The following ISM2 variants were observed in gnomAD, a reference collection of about 807,000 sequenced individuals.
ISM2 encodes the protein isthmin-2.
A neutral mutation model predicts 58.0 loss-of-function variants in ISM2; 50 were observed. The ratio of observed to expected loss-of-function variants is 0.86; its 90% confidence interval spans 0.69 to 1.09. ISM2 has a LOEUF of 1.09. Among genes scored for constraint, ISM2 ranks in the 50% least tolerant of loss-of-function variants. ISM2 has a pLI of 0.00. For synonymous variants in ISM2, 303 were observed against 312.4 expected (o/e 0.97, Z 0.32); for missense variants, 723 against 745.0 (o/e 0.97, Z 0.34).
At chr14:77,477,111 C>G (rs1733155660) in intron 6 of ISM2, among the ~76,000 whole-genome samples, 1 of 152,124 alleles carries the variant, frequency 6.6e-6, no homozygotes, top group Non-Finnish European at 1.5e-5. Context: ...GAGGTGCCCC[C>G]CAGACTCACC....
chr14:77,483,382 A>C (rs539006089), intron 3 of ISM2, among the ~76,000 whole-genome samples: 2 of 151,976 alleles, frequency 1.3e-5, no homozygotes, highest in Non-Finnish European at 2.9e-5. Flanking sequence ...ACATGGTGAA[A>C]CCCCGTCTCT....
At chr14:77,478,748 A>C in intron 4 of ISM2, 33 bp from the exon 5 acceptor site, 1 of 1,593,896 alleles carries the variant, frequency 6.3e-7, no homozygotes, top group Non-Finnish European at 8.6e-7. Flanking sequence ...GGGTGAGTGC[A>C]TATAGCTCAC....
At chr14:77,494,247 C>T (rs191456994) in intron 1 of ISM2, among the ~76,000 whole-genome samples, 6 of 152,206 alleles carry the variant, frequency 3.9e-5, no homozygotes, top group African/African-American at 1.4e-4. Context: ...ATGAAATATT[C>T]TCATGTTAAG....
At chr14:77,486,583 C>A (rs2079169207) in intron 1 of ISM2, among the ~76,000 whole-genome samples, 1 of 152,198 alleles carries the variant, frequency 6.6e-6, no homozygotes, top group Non-Finnish European at 1.5e-5. Flanking sequence ...ACCCACAATT[C>A]CACCAAAGCC....
intron 4 of ISM2, among the ~76,000 whole-genome samples, chr14:77,481,859 G>A: frequency 6.6e-6 from 1 of 151,780 alleles, no homozygotes; most frequent in Non-Finnish European, 1.5e-5. Context: ...CAGCACTTTG[G>A]GAGGCCGAGG....
chr14:77,478,504 T>C, intron 5 of ISM2, 71 bp downstream of exon 5: 3 of 1,568,854 alleles, frequency 1.9e-6, no homozygotes, highest in Admixed American at 3.5e-5. Flanking sequence ...CCCACCCACA[T>C]TCCCAGGGGA....
chr14:77,478,230 C>G lies in ISM2; in HGVS notation c.1198+12G>C, dbSNP rs774060951. The G allele has an allele frequency of 2.5e-6, 4 of 1,612,164 alleles. No individual in the cohort carries two copies. The African/African-American group carries it at 5.3e-5, about 22-fold the overall frequency. On this transcript the variant is annotated intron_variant, in intron 6 of 6. Coordinates refer to ENST00000342219, the MANE Select transcript of ISM2 (RefSeq NM_199296.3). ...CCCAAACCACCAGGGGCAAGCCTAG[C>G]CCCTCACTCACCTTGATCATGCATG...
At chr14:77,486,132 C>G (rs1470032389) in intron 1 of ISM2, among the ~76,000 whole-genome samples, 2 of 152,192 alleles carry the variant, frequency 1.3e-5, no homozygotes, top group African/African-American at 4.8e-5. Flanking sequence ...GTTGCACAGA[C>G]ATTTAGCGAT....
chr14:77,487,882 G>A (rs1035494318), intron 1 of ISM2, among the ~76,000 whole-genome samples: 1 of 152,150 alleles, frequency 6.6e-6, no homozygotes, highest in African/African-American at 2.4e-5. Flanking sequence ...CCTCGAGCAG[G>A]GACAGAGCTG....
intron 1 of ISM2, among the ~76,000 whole-genome samples, chr14:77,491,170 G>C (rs541556544): frequency 6.6e-6 from 1 of 152,180 alleles, no homozygotes; most frequent in African/African-American, 2.4e-5. Flanking sequence ...AGTGCTGGGG[G>C]GGCACCCCCA....
At chr14:77,493,074 T>C (rs1330884278) in intron 1 of ISM2, among the ~76,000 whole-genome samples, 2 of 151,612 alleles carry the variant, frequency 1.3e-5, no homozygotes, top group Non-Finnish European at 2.9e-5. Context: ...CACAGCTCAC[T>C]GTAGCCTCAA....
rs2079093893 is a variant in ISM2, at chr14:77,475,807, T to TC, written c.1503dup (p.Thr502AspfsTer19). ...GGCATGCCGGCGCCCTTGCCACGGGTCAGCAGCCGGCTGTCCTCGTCATAG... is the reference window on the plus strand; with the variant it reads ...GGCATGCCGGCGCCCTTGCCACGGGTCCAGCAGCCGGCTGTCCTCGTCATAG... On this transcript the variant is annotated frameshift_variant, in exon 7 of 7. Coordinates refer to ENST00000342219, the MANE Select transcript of ISM2 (RefSeq NM_199296.3). LOFTEE classifies it high-confidence loss of function. The surrounding 1 kb of genome is among the most constrained non-coding windows in gnomAD (Gnocchi z 4.1). 6 of 1,613,094 alleles carry TC rather than the reference T, an allele frequency of 3.7e-6. No homozygotes were observed. The African/African-American group carries it at 5.3e-5, about 14-fold the overall frequency.
At chr14:77,479,500 C>T (rs2079119364) in intron 4 of ISM2, among the ~76,000 whole-genome samples, 1 of 152,060 alleles carries the variant, frequency 6.6e-6, no homozygotes, top group African/African-American at 2.4e-5. Context: ...ACTCCTGCCT[C>T]AGCCTCCTGG....
At chr14:77,487,507 G>A (rs2079175517) in intron 1 of ISM2, among the ~76,000 whole-genome samples, 1 of 152,144 alleles carries the variant, frequency 6.6e-6, no homozygotes, top group African/African-American at 2.4e-5. Flanking sequence ...TCCTCTCCCT[G>A]GTGCCCAGTC....
At chr14:77,484,284 G>C in intron 3 of ISM2, 39 bp downstream of exon 3, 1 of 1,596,342 alleles carries the variant, frequency 6.3e-7, no homozygotes, top group Non-Finnish European at 8.5e-7. Context: ...GCTCCTCTCC[G>C]GGTGTCTGCA....
rs533155570 is a variant in ISM2 at position 77,481,557 on chromosome 14, C to A, written c.973+765G>T. ...AGTAAAGATTATACCATTCCCCATT[C>A]TATAGAGGAAGGAACTGAGGCACAG... is the stretch of plus-strand genomic sequence containing the variant. On this transcript the variant is annotated intron_variant, in intron 4 of 6. Coordinates refer to ENST00000342219, the MANE Select transcript of ISM2 (RefSeq NM_199296.3). 5.3e-5 allele frequency among the ~76,000 whole-genome samples: 8 copies of A among 152,256 alleles called. 1 individual carries two copies. The South Asian group carries it at 1.7e-3, about 32-fold the overall frequency.
intron 1 of ISM2, among the ~76,000 whole-genome samples, chr14:77,491,938 C>T (rs1356427075): frequency 6.6e-5 from 10 of 151,852 alleles, no homozygotes; most frequent in East Asian, 5.8e-4. Context: ...TCAGGGGATC[C>T]GCCTGCCTCA....
chr14:77,482,179 T>C, intron 4 of ISM2, 143 bp downstream of exon 4: 1 of 563,420 alleles, frequency 1.8e-6, no homozygotes, highest in East Asian at 3.0e-5. Context: ...TACTTTTGAG[T>C]TGATGATGGT....
At position 77,478,455 on chromosome 14, in the gene ISM2, C is replaced by T. The variant is rs1468117852; in HGVS notation, c.1114+120G>A. ...AAAATAGGCCTGGGACAAGGCAGGA[C>T]CACCATGTTTTTGAGCTTCCTGCAT... On this transcript the variant is annotated intron_variant, in intron 5 of 6. Transcript: ENST00000342219. 2.8e-6 allele frequency: 4 copies of T among 1,440,146 alleles called. No homozygotes were observed. The East Asian group carries it at 9.2e-5, about 33-fold the overall frequency. The allele number at this position is 1,440,146 out of a possible 1,614,324, so 89.2% of individuals were successfully genotyped here.
Sources: gnomAD v4.1 joint callset for allele counts (sites outside exome capture counted in the v4.1 genomes callset) on GRCh38, gnomAD v4.1.1 for gene constraint, Gnocchi (gnomAD v3.1) non-coding constraint, MANE v1.5 for transcripts, NCBI Gene and HGNC (gene_info 2026-07-23, HGNC 2026-07-21) for gene names.